TSNARE1: variants seen among roughly 807,000 people sequenced by gnomAD.
TSNARE1 encodes t-SNARE domain containing 1.
In TSNARE1, 49 loss-of-function variants were observed where a neutral mutation model predicts 62.0. That is an observed-to-expected ratio of 0.79 (90% confidence interval 0.63 to 1.00). The LOEUF is 1.00. TSNARE1 is among the 50% of genes least tolerant of loss of function. The pLI is 0.00. For missense variants in TSNARE1, 755 were observed against 700.1 expected, an observed-to-expected ratio of 1.08 and a Z score of -0.88; for synonymous variants, 328 against 294.4, an observed-to-expected ratio of 1.11 and a Z score of -1.17.
chr8:142,310,250 C>G (rs1376211419), intron 9 of TSNARE1, among the ~76,000 whole-genome samples: 1 of 152,196 alleles, frequency 6.6e-6, no homozygotes, highest in East Asian at 1.9e-4. Context: ...AACACTTACT[C>G]AGTCTGCCCT....
intron 12 of TSNARE1, among the ~76,000 whole-genome samples, chr8:142,244,987 A>C (rs1012219963): frequency 6.6e-6 from 1 of 152,248 alleles, no homozygotes; most frequent in African/African-American, 2.4e-5. Context: ...TTACGACGGA[A>C]AAAAACCAAC....
At chr8:142,318,226 C>T (rs755654575) in intron 7 of TSNARE1, among the ~76,000 whole-genome samples, 21 of 152,246 alleles carry the variant, frequency 1.4e-4, no homozygotes, top group African/African-American at 4.1e-4. Context: ...CAAACAATGG[C>T]GGGCCATCAG....
At chr8:142,215,113 G>A (rs549231899) in intron 13 of TSNARE1, among the ~76,000 whole-genome samples, 4 of 152,316 alleles carry the variant, frequency 2.6e-5, no homozygotes, top group South Asian at 4.1e-4. Context: ...AGGTGTCCCC[G>A]GGCCCAGGCC....
In TSNARE1 at chr8:142,324,738, C is replaced by A. The variant is rs566968095; in HGVS notation, c.894-6104G>T. 5.9e-5 allele frequency among the ~76,000 whole-genome samples: 9 copies of A among 152,296 alleles called. No individual in the cohort carries two copies. The South Asian group carries it at 1.9e-3, about 32-fold the overall frequency. ...GGTAGGGTCAGGACCAGCCCAGGCTCCCTGGCACCGGGTCCCGAGCTCTCC... is the reference window on the plus strand; with the variant it reads ...GGTAGGGTCAGGACCAGCCCAGGCTACCTGGCACCGGGTCCCGAGCTCTCC... On this transcript the variant is annotated intron_variant, in intron 6 of 13. Coordinates refer to ENST00000524325, the MANE Select transcript of TSNARE1 (RefSeq NM_145003.5).
intron 10 of TSNARE1, among the ~76,000 whole-genome samples, chr8:142,285,695 G>A (rs1174271648): frequency 1.3e-5 from 2 of 152,166 alleles, no homozygotes; most frequent in East Asian, 3.9e-4. Flanking sequence ...GCTCCATGAA[G>A]CTAGTGAACA....
intron 13 of TSNARE1, among the ~76,000 whole-genome samples, chr8:142,224,494 G>C (rs10102774): frequency 6.6e-6 from 1 of 152,164 alleles, no homozygotes; most frequent in African/African-American, 2.4e-5. Context: ...TTGTGAATTG[G>C]GTCCTGGGAC....
At chr8:142,283,005 T>C (rs1212815411) in intron 11 of TSNARE1, among the ~76,000 whole-genome samples, 1 of 147,228 alleles carries the variant, frequency 6.8e-6, no homozygotes, top group African/African-American at 2.6e-5. Context: ...TGTCTGCCAA[T>C]GAGCAGAGGC....
At chr8:142,371,136 T>C (rs1372304433) in intron 1 of TSNARE1, among the ~76,000 whole-genome samples, 1 of 152,200 alleles carries the variant, frequency 6.6e-6, no homozygotes, top group Non-Finnish European at 1.5e-5. Context: ...CTAGATGAAA[T>C]CAACAAATTC....
intron 11 of TSNARE1, among the ~76,000 whole-genome samples, chr8:142,280,721 G>A (rs901685940): frequency 5.2e-4 from 79 of 152,298 alleles, no homozygotes; most frequent in African/African-American, 1.9e-3. Flanking sequence ...CACAGACTCA[G>A]CACATCCCAG....
chr8:142,293,067 T>C (rs1384834481), intron 10 of TSNARE1, among the ~76,000 whole-genome samples: 6 of 152,234 alleles, frequency 3.9e-5, no homozygotes, highest in East Asian at 1.9e-4. Context: ...CGGAACCTCC[T>C]AGGCTTGAGT....
chr8:142,237,372 G>T (rs1360940723), intron 12 of TSNARE1, among the ~76,000 whole-genome samples: 1 of 152,182 alleles, frequency 6.6e-6, no homozygotes, highest in African/African-American at 2.4e-5. Flanking sequence ...ACTGGCACAC[G>T]GGCGGCTCGT....
At position 142,344,092 on chromosome 8, in the gene TSNARE1, G is replaced by A. The variant is rs1197186218; in HGVS notation, c.619C>T (p.His207Tyr). 1 of 1,609,504 alleles carries A rather than the reference G, an allele frequency of 6.2e-7. No individual in the cohort carries two copies. The highest frequency in any genetic ancestry group is 1.1e-5 in the South Asian group (1 of 90,738). Reference protein sequence around the residue: ...RKLGDLRKAAHGPSPGSGKPQ... With the variant: ...RKLGDLRKAAYGPSPGSGKPQ... ...TTGCCGGAACCAGGGCTGGGGCCAT[G>A]GGCCGCCTTCCGGAGGTCGCCCAGC... The change falls in exon 4 of 14, where the codon CAT becomes TAT. Residue 207 changes from histidine to tyrosine, a missense_variant. His to Tyr is a moderately conservative substitution (Grantham distance 83, BLOSUM62 2). Coordinates refer to ENST00000524325, the MANE Select transcript of TSNARE1 (RefSeq NM_145003.5).
intron 9 of TSNARE1, among the ~76,000 whole-genome samples, chr8:142,310,745 T>C (rs1317381908): frequency 2.0e-5 from 3 of 152,250 alleles, no homozygotes; most frequent in Non-Finnish European, 4.4e-5. Context: ...GACTTTAATG[T>C]GCTCTTAACA....
chr8:142,267,796 G>C (rs1237553688), intron 12 of TSNARE1, among the ~76,000 whole-genome samples: 1 of 152,192 alleles, frequency 6.6e-6, no homozygotes. Flanking sequence ...TGGGCTGCCT[G>C]GGGGATGGAA....
chr8:142,278,779 C>A, intron 11 of TSNARE1: 1 of 985,446 alleles, frequency 1.0e-6, no homozygotes, highest in Non-Finnish European at 1.2e-6. Context: ...CACCGGACAG[C>A]ACCACGTGTG....
At position 142,379,288 on chromosome 8, in the gene TSNARE1, C is replaced by A. The variant is rs138925245; in HGVS notation, c.-40+23816G>T. Reference sequence around the variant, plus strand: ...ACACCTCTGAGTAAGCCTCCAGGGGCTGCCTCTCCTCCTAACCCCCAGACT... The same window carrying A: ...ACACCTCTGAGTAAGCCTCCAGGGGATGCCTCTCCTCCTAACCCCCAGACT... On this transcript the variant is annotated intron_variant, in intron 1 of 13. Coordinates refer to ENST00000524325, the MANE Select transcript of TSNARE1 (RefSeq NM_145003.5). Among the ~76,000 whole-genome samples the A allele has an allele frequency of 2.3e-3, 354 of 152,298 alleles. 2 individuals are homozygous for A. Among genetic ancestry groups the A allele is most frequent in the Non-Finnish European group, 3.6e-3 (244 of 68,036 alleles).
At chr8:142,372,825 T>G (rs1198026970) in intron 1 of TSNARE1, among the ~76,000 whole-genome samples, 1 of 148,404 alleles carries the variant, frequency 6.7e-6, no homozygotes, top group Non-Finnish European at 1.5e-5. Flanking sequence ...CCAGTGTTGT[T>G]TCCTTCCCTG....
intron 4 of TSNARE1, among the ~76,000 whole-genome samples, chr8:142,342,187 G>A (rs1051978957): frequency 6.6e-6 from 1 of 152,252 alleles, no homozygotes; most frequent in African/African-American, 2.4e-5. Flanking sequence ...CCTCCCTCAA[G>A]CTGAAACAGT....
At chr8:142,237,528 C>T (rs909079595) in intron 12 of TSNARE1, among the ~76,000 whole-genome samples, 1 of 152,238 alleles carries the variant, frequency 6.6e-6, no homozygotes, top group Admixed American at 6.5e-5. Context: ...GCGGAACCAC[C>T]CGGGCCCTCC....
Sources: gnomAD v4.1 joint callset for allele counts (sites outside exome capture counted in the v4.1 genomes callset) on GRCh38, gnomAD v4.1.1 for gene constraint, MANE v1.5 for transcripts, NCBI Gene and HGNC (gene_info 2026-07-23, HGNC 2026-07-21) for gene names.